Variants in MMD2 observed in about 807,000 individuals in gnomAD.
MMD2 encodes the protein monocyte to macrophage differentiation associated 2.
In MMD2, 30 loss-of-function variants were observed where a neutral mutation model predicts 33.5. The ratio of observed to expected loss-of-function variants is 0.90; its 90% confidence interval spans 0.67 to 1.22. The LOEUF is 1.22. Ranked by LOEUF, MMD2 falls within the 50% of genes most tolerant of loss-of-function variation. The pLI is 0.00. For missense variants in MMD2, 364 were observed against 325.4 expected, an observed-to-expected ratio of 1.12 and a Z score of -0.91; for synonymous variants, 129 against 123.0, an observed-to-expected ratio of 1.05 and a Z score of -0.32.
At chr7:4,949,318 C>A (rs1786175789) in intron 1 of MMD2, among the ~76,000 whole-genome samples, 1 of 151,976 alleles carries the variant, frequency 6.6e-6, no homozygotes, top group African/African-American at 2.4e-5. Context: ...ATCCCAACCT[C>A]CCCCCAACCT....
At chr7:4,952,908 T>G (rs1266020347) in intron 1 of MMD2, among the ~76,000 whole-genome samples, 1 of 152,004 alleles carries the variant, frequency 6.6e-6, no homozygotes, top group Non-Finnish European at 1.5e-5. Flanking sequence ...CCAGGCTGGC[T>G]TCAAGTGATC....
In MMD2 at chr7:4,944,372, G is replaced by A. The variant is rs1469798931; in HGVS notation, c.47+14599C>T. Among the ~76,000 whole-genome samples the A allele has an allele frequency of 3.3e-5, 5 of 152,184 alleles. No homozygotes were observed. In the East Asian group the frequency reaches 9.7e-4, roughly 29 times the overall value. ...GGGCTCACTTGGAGGGAGCAAAGGT[G>A]GGTCTAGTTCCAGAGATGAGGGGAG... On this transcript the variant is annotated intron_variant, in intron 1 of 6. Transcript: ENST00000401401.
chr7:4,928,081 T>C (rs1583377265), intron 1 of MMD2, among the ~76,000 whole-genome samples: 2 of 152,276 alleles, frequency 1.3e-5, no homozygotes, highest in Middle Eastern at 3.4e-3. Flanking sequence ...CACAGCAGCG[T>C]GCATGTCTTC....
intron 4 of MMD2, among the ~76,000 whole-genome samples, chr7:4,914,707 G>C (rs1338857155): frequency 6.6e-6 from 1 of 152,180 alleles, no homozygotes; most frequent in Non-Finnish European, 1.5e-5. Flanking sequence ...GAGGCAGGCA[G>C]ATCACCTGAG....
chr7:4,957,709 G>A (rs1275517444), intron 1 of MMD2, among the ~76,000 whole-genome samples: 1 of 151,426 alleles, frequency 6.6e-6, no homozygotes, highest in East Asian at 1.9e-4. Flanking sequence ...GAGTCAATCC[G>A]CAGGAACTTA....
At chr7:4,925,678 T>C in intron 1 of MMD2, 146 bp from the exon 2 acceptor site, 1 of 503,206 alleles carries the variant, frequency 2.0e-6, no homozygotes, top group Non-Finnish European at 3.5e-6. Flanking sequence ...TCTCTCTCTG[T>C]CTTCTTCCTC....
At chr7:4,914,931 A>T (rs1785103199) in intron 4 of MMD2, among the ~76,000 whole-genome samples, 1 of 151,974 alleles carries the variant, frequency 6.6e-6, no homozygotes, top group South Asian at 2.1e-4. Context: ...ACTCCATCTC[A>T]AAAACATAAA....
At chr7:4,923,530 C>G (rs1476690847) in intron 2 of MMD2, among the ~76,000 whole-genome samples, 3 of 152,124 alleles carry the variant, frequency 2.0e-5, no homozygotes, top group Admixed American at 1.3e-4. Flanking sequence ...CTTACGATGT[C>G]CATTCTACAG....
rs751263232 is a variant in MMD2 at position 4,925,435 on chromosome 7, C to G, written c.129+16G>C. ...TGTCCCCATCTCAGCCCTGAGCCCC[C>G]CAAAAGCCAACTCACAGCATGGGTG... On this transcript the variant is annotated intron_variant, in intron 2 of 6. Transcript: ENST00000401401. 3.9e-6 allele frequency: 6 copies of G among 1,534,878 alleles called. No homozygotes were observed. Among genetic ancestry groups the G allele is most frequent in the Non-Finnish European group, 5.3e-6 (6 of 1,138,496 alleles).
At chr7:4,951,725 A>C (rs982516200) in intron 1 of MMD2, among the ~76,000 whole-genome samples, 2 of 152,082 alleles carry the variant, frequency 1.3e-5, no homozygotes, top group African/African-American at 4.8e-5. Flanking sequence ...TCAGCCTCCA[A>C]AGTAGCTGGG....
chr7:4,925,430 GC>G lies in MMD2; in HGVS notation c.129+20del. 1.3e-6 allele frequency: 2 copies of G among 1,506,374 alleles called. No homozygotes were observed. The highest frequency in any genetic ancestry group is 2.6e-5 in the South Asian group (2 of 76,756). The allele number at this position is 1,506,374 out of a possible 1,614,324, so 93.3% of individuals were successfully genotyped here. A position where few individuals can be genotyped will look rare whatever the true frequency, so the allele number is the denominator to read the frequency against. Reference sequence around the variant, plus strand: ...GGAAGTGTCCCCATCTCAGCCCTGAGCCCCCCAAAAGCCAACTCACAGCATG... The same window carrying G: ...GGAAGTGTCCCCATCTCAGCCCTGAGCCCCCAAAAGCCAACTCACAGCATG... On this transcript the variant is annotated intron_variant, in intron 2 of 6. Transcript: ENST00000401401.
chr7:4,917,386 G>T (rs149278064), intron 3 of MMD2, among the ~76,000 whole-genome samples: 1 of 152,082 alleles, frequency 6.6e-6, no homozygotes, highest in African/African-American at 2.4e-5. Flanking sequence ...TTTTGGCCAG[G>T]CATGGTGGCT....
chr7:4,901,095 A>G (rs1388240460), downstream of MMD2, among the ~76,000 whole-genome samples: 2 of 151,122 alleles, frequency 1.3e-5, no homozygotes, highest in Non-Finnish European at 2.9e-5. Flanking sequence ...AGCCAAGATC[A>G]CACCACTGCA....
At chr7:4,922,405 A>G (rs1583370337) in intron 2 of MMD2, among the ~76,000 whole-genome samples, 2 of 152,066 alleles carry the variant, frequency 1.3e-5, no homozygotes, top group African/African-American at 4.8e-5. Context: ...CCCCATCTCT[A>G]CTAAAAATAC....
chr7:4,899,864 G>A, the MMD2 span, among the ~76,000 whole-genome samples: 3 of 152,120 alleles, frequency 2.0e-5, no homozygotes, highest in Non-Finnish European at 4.4e-5. Context: ...AAGGGCTGCT[G>A]GCCCCAGCCA....
intron 1 of MMD2, among the ~76,000 whole-genome samples, chr7:4,932,460 A>C (rs1785616537): frequency 6.6e-6 from 1 of 151,952 alleles, no homozygotes. Flanking sequence ...TAGTTTTGTG[A>C]GTTTTGACAA....
chr7:4,958,631 C>T (rs1182437092), intron 1 of MMD2, among the ~76,000 whole-genome samples: 1 of 152,230 alleles, frequency 6.6e-6, no homozygotes, highest in Non-Finnish European at 1.5e-5. Flanking sequence ...CCAGGCGCTG[C>T]GCAAAGTGCT....
chr7:4,915,828 A>C (rs1028574686), intron 4 of MMD2, among the ~76,000 whole-genome samples, 177 bp downstream of exon 4: 4 of 152,086 alleles, frequency 2.6e-5, no homozygotes, highest in Admixed American at 6.6e-5. Flanking sequence ...TGCATAAAAT[A>C]ACACAGGAAA....
chr7:4,947,345 G>A (rs1421793961), intron 1 of MMD2, among the ~76,000 whole-genome samples: 1 of 152,036 alleles, frequency 6.6e-6, no homozygotes, highest in Non-Finnish European at 1.5e-5. Flanking sequence ...GGGGGAGCAG[G>A]TGTCTTACAT....
Sources: allele counts gnomAD v4.1 joint callset (sites outside exome capture counted in the v4.1 genomes callset), GRCh38; gene constraint gnomAD v4.1.1; transcripts MANE v1.5; gene names NCBI Gene and HGNC (gene_info 2026-07-23, HGNC 2026-07-21).